Variants in PURB observed in about 807,000 individuals in gnomAD.
PURB encodes the protein transcriptional regulator protein Pur-beta.
A neutral mutation model predicts 21.1 loss-of-function variants in PURB; 11 were observed. That is an observed-to-expected ratio of 0.52 (90% CI 0.33 to 0.86). The LOEUF is 0.86. Ranked by LOEUF, PURB falls within the 40% of genes least tolerant of loss-of-function variation. PURB has a pLI of 0.02. For missense variants in PURB, 357 were observed against 456.5 expected (o/e 0.78, Z 1.99); for synonymous variants, 246 against 210.8 (o/e 1.17, Z -1.45).
In PURB at chr7:44,877,758, C is replaced by G. The variant is rs925434184; in HGVS notation, c.*6652G>C. 3 of 151,354 alleles carry G rather than the reference C, an allele frequency of 2.0e-5. No individual in the cohort carries two copies. Among genetic ancestry groups the G allele is most frequent in the Admixed American group, 2.0e-4 (3 of 15,150 alleles). The allele number at this position is 151,354 out of a possible 1,614,324, so 9.4% of individuals were successfully genotyped here. A position where few individuals can be genotyped will look rare whatever the true frequency, so the allele number is the denominator to read the frequency against. The stretch of plus-strand genomic sequence containing the variant: ...GGCAAAGGTTGCAGTGAGCTGAGAT[C>G]AAGCCACTACACTCACTCCAGCCTG... On this transcript the variant is annotated 3_prime_UTR_variant, in exon 1 of 1. Transcript: ENST00000395699.
Position 44,884,724 on chromosome 7 carries a change from C to T in PURB, c.625G>A (p.Gly209Arg). 1 of 1,612,660 alleles carries T rather than the reference C, an allele frequency of 6.2e-7. No homozygotes were observed. Among genetic ancestry groups the T allele is most frequent in the Non-Finnish European group, 8.5e-7 (1 of 1,179,724 alleles). ...CCATACAGGCCGCCCCCTGGGCCCC[C>T]GGCGCCGCCTCCCGGGCCGCCTGCC... ...ELAGGPGGGA[G>R]GPGGGLYGEL... The change falls in exon 1 of 1, where the codon GGG becomes AGG. Residue 209 changes from glycine to arginine, a missense_variant. Physicochemically the swap from Gly to Arg is moderately radical, Grantham distance 125. Coordinates refer to ENST00000395699, the MANE Select transcript of PURB (RefSeq NM_033224.5).
Position 44,881,834 on chromosome 7 carries a change from C to T in PURB, c.*2576G>A, listed in dbSNP as rs1202464459. ...TCAGCTAATTATAGCTTAGTAGCCA[C>T]TGGTGAAGGATTGTGAAGACCCTGT... On this transcript the variant is annotated 3_prime_UTR_variant, in exon 1 of 1. Transcript: ENST00000395699. The T allele has an allele frequency of 1.3e-5, 2 of 154,724 alleles. No homozygotes were observed. Among genetic ancestry groups the T allele is most frequent in the African/African-American group, 4.8e-5 (2 of 41,506 alleles). 9.6% of individuals were successfully genotyped at this position (154,724 alleles called of 1,614,324 possible). A position where few individuals can be genotyped will look rare whatever the true frequency, so the allele number is the denominator to read the frequency against.
At position 44,885,437 on chromosome 7, in the gene PURB, C is replaced by G. The variant is rs1022295778; in HGVS notation, c.-89G>C. 8.3e-6 allele frequency: 3 copies of G among 361,948 alleles called. No individual in the cohort carries two copies. Among genetic ancestry groups the G allele is most frequent in the African/African-American group, 6.7e-5 (3 of 44,806 alleles). 22.4% of individuals were successfully genotyped at this position (361,948 alleles called of 1,614,324 possible). On this transcript the variant is annotated 5_prime_UTR_variant, in exon 1 of 1. Coordinates refer to ENST00000395699, the MANE Select transcript of PURB (RefSeq NM_033224.5). ...CTCCGGGGCCCCCCAGCCTCGCCCG[C>G]CCGGCTCGCTCACGCGCTCCCGCCG...
rs759499724 is a variant in PURB at position 44,881,764 on chromosome 7, G to C, written c.*2646C>G. On this transcript the variant is annotated 3_prime_UTR_variant, in exon 1 of 1. Coordinates refer to ENST00000395699, the MANE Select transcript of PURB (RefSeq NM_033224.5). ...TGATGCCATATATGGTAGTGTTCTTGGCATATACTCTATATGCCTCAGACC... is the reference window on the plus strand; with the variant it reads ...TGATGCCATATATGGTAGTGTTCTTCGCATATACTCTATATGCCTCAGACC... The C allele has an allele frequency of 6.5e-6, 1 of 154,444 alleles. No individual in the cohort carries two copies. The highest frequency in any genetic ancestry group is 1.5e-5 in the Non-Finnish European group (1 of 68,174). The allele number at this position is 154,444 out of a possible 1,614,324, so 9.6% of individuals were successfully genotyped here.
In PURB at chr7:44,882,429, G is replaced by C. The variant is rs1402746969; in HGVS notation, c.*1981C>G. 6.6e-6 allele frequency: 1 copy of C among 152,596 alleles called. No homozygotes were observed. The highest frequency in any genetic ancestry group is 2.4e-5 in the African/African-American group (1 of 41,440). The allele number at this position is 152,596 out of a possible 1,614,324, so 9.5% of individuals were successfully genotyped here. On this transcript the variant is annotated 3_prime_UTR_variant, in exon 1 of 1. Coordinates refer to ENST00000395699, the MANE Select transcript of PURB (RefSeq NM_033224.5). ...TTCTACTGTGGATGATGAGAGTAGA[G>C]AAATAGTCTGAAAAGGGCACCAATG...
rs1322059812 is a variant in PURB at position 44,877,150 on chromosome 7, T to C, written c.*7260A>G. On this transcript the variant is annotated 3_prime_UTR_variant, in exon 1 of 1. Coordinates refer to ENST00000395699, the MANE Select transcript of PURB (RefSeq NM_033224.5). ...CAGGACATCAGTCCCAGCTTTGGAG[T>C]GAATAGTCTAAGAAAGCCACTGGTA... The C allele has an allele frequency of 6.6e-6, 1 of 152,550 alleles. No individual in the cohort carries two copies. Among genetic ancestry groups the C allele is most frequent in the Non-Finnish European group, 1.5e-5 (1 of 68,032 alleles). 9.4% of individuals were successfully genotyped at this position (152,550 alleles called of 1,614,324 possible). A position where few individuals can be genotyped will look rare whatever the true frequency, so the allele number is the denominator to read the frequency against.
Position 44,882,251 on chromosome 7 carries a change from T to C in PURB, c.*2159A>G, listed in dbSNP as rs888407699. ...GTAGGTAAATACAGCAGGACATTATTGAAAAACAGCTGCCTTGTAGTACAA... is the reference window on the plus strand; with the variant it reads ...GTAGGTAAATACAGCAGGACATTATCGAAAAACAGCTGCCTTGTAGTACAA... On this transcript the variant is annotated 3_prime_UTR_variant, in exon 1 of 1. Transcript: ENST00000395699. 3.9e-5 allele frequency: 6 copies of C among 152,646 alleles called. No individual in the cohort carries two copies. The highest frequency in any genetic ancestry group is 1.4e-4 in the African/African-American group (6 of 41,450). The allele number at this position is 152,646 out of a possible 1,614,324, so 9.5% of individuals were successfully genotyped here.
chr7:44,882,278 ATACAG>A lies in PURB; in HGVS notation c.*2127_*2131del, dbSNP rs748549997. 7 of 152,680 alleles carry A rather than the reference ATACAG, an allele frequency of 4.6e-5. No homozygotes were observed. The highest frequency in any genetic ancestry group is 1.0e-4 in the Non-Finnish European group (7 of 68,050). The allele number at this position is 152,680 out of a possible 1,614,324, so 9.5% of individuals were successfully genotyped here. A position where few individuals can be genotyped will look rare whatever the true frequency, so the allele number is the denominator to read the frequency against. ...AAAAACAGCTGCCTTGTAGTACAAA[ATACAG>A]TACAAGTATACGGATGTCATTAAAA... is the stretch of plus-strand genomic sequence containing the variant. On this transcript the variant is annotated 3_prime_UTR_variant, in exon 1 of 1. Transcript: ENST00000395699.
In PURB at chr7:44,884,708, C is replaced by T. The variant is rs779801775; in HGVS notation, c.641G>A (p.Gly214Asp). ...GCCCTCCGGGAGCTCTCCATACAGGCCGCCCCCTGGGCCCCCGGCGCCGCC... is the reference window on the plus strand; with the variant it reads ...GCCCTCCGGGAGCTCTCCATACAGGTCGCCCCCTGGGCCCCCGGCGCCGCC... Reference protein sequence around the residue: ...PGGGAGGPGGGLYGELPEGTS... With the variant: ...PGGGAGGPGGDLYGELPEGTS... The change falls in exon 1 of 1, where the codon GGC becomes GAC. Residue 214 changes from glycine to aspartate, a missense_variant. Transcript: ENST00000395699. The T allele has an allele frequency of 1.1e-5, 18 of 1,613,618 alleles. No homozygotes were observed. The highest frequency in any genetic ancestry group is 1.2e-5 in the Non-Finnish European group (14 of 1,179,962).
rs947124778 is a variant in PURB, at chr7:44,884,743, G to A, written c.606C>T (p.Gly202=). The A allele has an allele frequency of 2.5e-6, 4 of 1,611,188 alleles. 1 individual carries two copies. The highest frequency in any genetic ancestry group is 3.4e-6 in the Non-Finnish European group (4 of 1,179,382). The change falls in exon 1 of 1, where the codon GGC becomes GGT. Residue 202 remains glycine (G), a synonymous_variant. Transcript: ENST00000395699. ...GGCCCCCGGCGCCGCCTCCCGGGCC[G>A]CCTGCCAGCTCGTCGTCCTCGCCTC... The part of the protein sequence containing the change: ...DYGGEDDELA[G]GPGGGAGGPG...
rs1213037737 is a variant in PURB at position 44,879,970 on chromosome 7, C to G, written c.*4440G>C. On this transcript the variant is annotated 3_prime_UTR_variant, in exon 1 of 1. Coordinates refer to ENST00000395699, the MANE Select transcript of PURB (RefSeq NM_033224.5). Reference sequence around the variant, plus strand: ...GGAGCAAAAAGATGGAGGCTCTGCTCTCTGAACAGGCCTTATGCATGTGAC... The same window carrying G: ...GGAGCAAAAAGATGGAGGCTCTGCTGTCTGAACAGGCCTTATGCATGTGAC... 1 of 152,220 alleles carries G rather than the reference C, an allele frequency of 6.6e-6. No homozygotes were observed. Among genetic ancestry groups the G allele is most frequent in the Non-Finnish European group, 1.5e-5 (1 of 68,024 alleles). The allele number at this position is 152,220 out of a possible 1,614,324, so 9.4% of individuals were successfully genotyped here.
In PURB at chr7:44,883,909, G is replaced by A. The variant is rs1211970891; in HGVS notation, c.*501C>T. On this transcript the variant is annotated 3_prime_UTR_variant, in exon 1 of 1. Coordinates refer to ENST00000395699, the MANE Select transcript of PURB (RefSeq NM_033224.5). ...AATTGTAAAGGCCTCTCTTCTCAAGGATTCCATGAAGACCTAGATCCAAAA... is the reference window on the plus strand; with the variant it reads ...AATTGTAAAGGCCTCTCTTCTCAAGAATTCCATGAAGACCTAGATCCAAAA... The A allele has an allele frequency of 6.4e-6, 1 of 156,626 alleles. No individual in the cohort carries two copies. Among genetic ancestry groups the A allele is most frequent in the Non-Finnish European group, 1.4e-5 (1 of 70,888 alleles). The allele number at this position is 156,626 out of a possible 1,614,324, so 9.7% of individuals were successfully genotyped here. A position where few individuals can be genotyped will look rare whatever the true frequency, so the allele number is the denominator to read the frequency against.
At position 44,882,347 on chromosome 7, in the gene PURB, A is replaced by C. The variant is rs1793889392; in HGVS notation, c.*2063T>G. 1 of 152,630 alleles carries C rather than the reference A, an allele frequency of 6.6e-6. No individual in the cohort carries two copies. The highest frequency in any genetic ancestry group is 1.5e-5 in the Non-Finnish European group (1 of 68,040). 9.5% of individuals were successfully genotyped at this position (152,630 alleles called of 1,614,324 possible). A position where few individuals can be genotyped will look rare whatever the true frequency, so the allele number is the denominator to read the frequency against. On this transcript the variant is annotated 3_prime_UTR_variant, in exon 1 of 1. Coordinates refer to ENST00000395699, the MANE Select transcript of PURB (RefSeq NM_033224.5). The stretch of plus-strand genomic sequence containing the variant: ...ATTGCTCCCATACAATTTAGGAAAC[A>C]TTCTTTGCAACGGAGAAAAATTTAA...
rs1793921768 is a variant in PURB at position 44,884,247 on chromosome 7, G to C, written c.*163C>G. 2.1e-6 allele frequency: 3 copies of C among 1,409,410 alleles called. No individual in the cohort carries two copies. In the African/African-American group the frequency reaches 4.3e-5, roughly 20 times the overall value. 87.3% of individuals were successfully genotyped at this position (1,409,410 alleles called of 1,614,324 possible). ...TGCTTTTCTCAAGTTGTCCGTCACT[G>C]TTCTCTTACGATTATTTCTCTTAAC... On this transcript the variant is annotated 3_prime_UTR_variant, in exon 1 of 1. Coordinates refer to ENST00000395699, the MANE Select transcript of PURB (RefSeq NM_033224.5).
In PURB at chr7:44,884,836, G is replaced by T. The variant is rs1427975300; in HGVS notation, c.513C>A (p.Thr171=). 6.4e-7 allele frequency: 1 copy of T among 1,573,196 alleles called. No homozygotes were observed. Among genetic ancestry groups the T allele is most frequent in the African/African-American group, 1.4e-5 (1 of 73,978 alleles). The change falls in exon 1 of 1, where the codon ACC becomes ACA. Residue 171 remains threonine, a synonymous_variant. Transcript: ENST00000395699. The part of the protein sequence containing the change: ...PGPGGLQSGQ[T]IALPAQGLIE... ...TGAGGCCCTGCGCAGGCAGCGCGATGGTCTGGCCGCTCTGCAAGCCGCCCG... is the reference window on the plus strand; with the variant it reads ...TGAGGCCCTGCGCAGGCAGCGCGATTGTCTGGCCGCTCTGCAAGCCGCCCG...
rs1336275581 is a variant in PURB at position 44,878,510 on chromosome 7, T to C, written c.*5900A>G. 1.3e-5 allele frequency: 2 copies of C among 152,534 alleles called. No individual in the cohort carries two copies. Among genetic ancestry groups the C allele is most frequent in the African/African-American group, 4.8e-5 (2 of 41,464 alleles). 9.4% of individuals were successfully genotyped at this position (152,534 alleles called of 1,614,324 possible). On this transcript the variant is annotated 3_prime_UTR_variant, in exon 1 of 1. Coordinates refer to ENST00000395699, the MANE Select transcript of PURB (RefSeq NM_033224.5). Reference sequence around the variant, plus strand: ...TCATATTGAGCAGTGAAACTACCAATATGGCAGTTGCTATTCTATTGTTTT... The same window carrying C: ...TCATATTGAGCAGTGAAACTACCAACATGGCAGTTGCTATTCTATTGTTTT...
In PURB at chr7:44,883,956, A is replaced by G. The variant is rs1793917346; in HGVS notation, c.*454T>C. 6.2e-6 allele frequency: 1 copy of G among 162,042 alleles called. No homozygotes were observed. Among genetic ancestry groups the G allele is most frequent in the African/African-American group, 2.4e-5 (1 of 41,614 alleles). 10.0% of individuals were successfully genotyped at this position (162,042 alleles called of 1,614,324 possible). The stretch of plus-strand genomic sequence containing the variant: ...AAAATGCTGATTTCAATGGAGGTGA[A>G]GGGATAGACACCGCAACAGTGAGGC... On this transcript the variant is annotated 3_prime_UTR_variant, in exon 1 of 1. Transcript: ENST00000395699.
In PURB at chr7:44,885,181, G is replaced by C; in HGVS notation, c.168C>G (p.Gly56=). The change falls in exon 1 of 1, where the codon GGC becomes GGG. Residue 56 remains glycine, a synonymous_variant. Coordinates refer to ENST00000395699, the MANE Select transcript of PURB (RefSeq NM_033224.5). The stretch of plus-strand genomic sequence containing the variant: ...CCACCTCGGCGATCTTGAGGAAGCG[G>C]CCCTTGGCGTTCTGCTTCACATCTA... ...FYLDVKQNAK[G]RFLKIAEVGA... The C allele has an allele frequency of 6.3e-7, 1 of 1,587,696 alleles. No homozygotes were observed. The highest frequency in any genetic ancestry group is 8.5e-7 in the Non-Finnish European group (1 of 1,171,214).
Position 44,885,050 on chromosome 7 carries a change from C to T in PURB, c.299G>A (p.Ser100Asn). The T allele has an allele frequency of 1.3e-6, 2 of 1,560,978 alleles. No homozygotes were observed. Among genetic ancestry groups the T allele is most frequent in the East Asian group, 2.4e-5 (1 of 41,440 alleles). Residue 100 changes from serine (S) to asparagine (N), a missense_variant, in exon 1 of 1, where the codon AGC becomes AAC. Transcript: ENST00000395699. Reference sequence around the variant, plus strand: ...GCCAGCCGCCAGCTGCTCGGGGCTGCTAGGGCCCAGCTGCGCGTAGTGTTC... The same window carrying T: ...GCCAGCCGCCAGCTGCTCGGGGCTGTTAGGGCCCAGCTGCGCGTAGTGTTC... ...FIEHYAQLGP[S>N]SPEQLAAGAE... is the part of the protein sequence containing the mutation.
Sources: gnomAD v4.1 joint callset for allele counts on GRCh38, gnomAD v4.1.1 for gene constraint, MANE v1.5 for transcripts, NCBI Gene and HGNC (gene_info 2026-07-23, HGNC 2026-07-21) for gene names.